The following FN3K variants were observed in gnomAD, a reference collection of about 807,000 sequenced individuals.
The protein encoded by FN3K is fructosamine 3 kinase.
Under a neutral mutation model 24.8 loss-of-function variants are expected in FN3K, and 24 were observed. That is an observed-to-expected ratio of 0.97 (90% CI 0.70 to 1.36). The LOEUF (loss-of-function observed/expected upper bound fraction) is 1.36, where lower values mean the gene tolerates loss of function less well. Ranked by LOEUF, FN3K falls within the 40% of genes most tolerant of loss-of-function variation. The pLI is 0.00. For synonymous variants in FN3K, 192 were observed against 175.2 expected (o/e 1.10, Z -0.76); for missense variants, 449 against 416.7 (o/e 1.08, Z -0.67).
chr17:82,741,780 A>G (rs1185572125), intron 4 of FN3K, among the ~76,000 whole-genome samples: 1 of 152,258 alleles, frequency 6.6e-6, no homozygotes, highest in African/African-American at 2.4e-5. Flanking sequence ...TTATTTAGAT[A>G]CAATTGAAAT....
At chr17:82,737,712 A>T (rs2143638366) in intron 1 of FN3K, 1 of 152,330 alleles carries the variant, frequency 6.6e-6, no homozygotes, top group South Asian at 2.1e-4. Context: ...AGGCCGAAGC[A>T]GGAGAATCGT....
intron 2 of FN3K, among the ~76,000 whole-genome samples, chr17:82,739,039 C>G (rs2046925168): frequency 6.6e-6 from 1 of 150,590 alleles, no homozygotes; most frequent in African/African-American, 2.5e-5. Context: ...CTTCTGCCCC[C>G]AGGGTTCAAA....
At chr17:82,740,618 G>A (rs1029961728) in intron 2 of FN3K, 145 bp from the exon 3 acceptor site, 1 of 625,364 alleles carries the variant, frequency 1.6e-6, no homozygotes, top group African/African-American at 1.8e-5. Flanking sequence ...GCAAAAGAAA[G>A]AGTCATTGCC....
chr17:82,745,129 A>G (rs983985244), intron 4 of FN3K: 11 of 156,970 alleles, frequency 7.0e-5, no homozygotes, highest in Admixed American at 2.0e-4. Flanking sequence ...ACGAGGCCAT[A>G]TTTCAGACTG....
chr17:82,741,422 A>G, intron 4 of FN3K, 29 bp downstream of exon 4: 1 of 1,585,962 alleles, frequency 6.3e-7, no homozygotes, highest in South Asian at 1.1e-5. Flanking sequence ...GTGTTCCCTG[A>G]TGCCCTAATG....
chr17:82,746,982 G>A lies in FN3K; in HGVS notation c.469-1873G>A, dbSNP rs185657867. 2.9e-3 allele frequency among the ~76,000 whole-genome samples: 444 copies of A among 151,870 alleles called. 2 individuals are homozygous for A. Among genetic ancestry groups the A allele is most frequent in the Admixed American group, 7.4e-3 (113 of 15,254 alleles). On this transcript the variant is annotated intron_variant, in intron 4 of 5. Transcript: ENST00000300784. ...TGGGACTACAGGCACCTGCCACCAC[G>A]CCTGGCTAATTTTTGTATTTTTAGT...
At chr17:82,739,352 A>G (rs1000435410) in intron 2 of FN3K, among the ~76,000 whole-genome samples, 4 of 151,634 alleles carry the variant, frequency 2.6e-5, no homozygotes, top group Admixed American at 6.6e-5. Flanking sequence ...GCAGTGATGC[A>G]ATCTTGGCTC....
chr17:82,749,637 C>T (rs2046989225), intron 5 of FN3K: 1 of 161,824 alleles, frequency 6.2e-6, no homozygotes, highest in Non-Finnish European at 1.4e-5. Context: ...GCACTCCAGC[C>T]TGGACGACAG....
intron 4 of FN3K, among the ~76,000 whole-genome samples, chr17:82,744,728 GA>G (rs931076410): frequency 6.6e-6 from 1 of 152,218 alleles, no homozygotes; most frequent in African/African-American, 2.4e-5. Context: ...GTGTTTCTCC[GA>G]GAGGGGGATG....
Position 82,750,411 on chromosome 17 carries a change from T to C in FN3K, c.592-6T>C. 6.2e-7 allele frequency: 1 copy of C among 1,613,838 alleles called. No homozygotes were observed. Among genetic ancestry groups the C allele is most frequent in the Non-Finnish European group, 8.5e-7 (1 of 1,179,728 alleles). Reference sequence around the variant, plus strand: ...CCAGCGATAACTGCAGCCGTTGCTCTCGTAGGTGAAGATCCCGGATCTGTT... The same window carrying C: ...CCAGCGATAACTGCAGCCGTTGCTCCCGTAGGTGAAGATCCCGGATCTGTT... On this transcript the variant is annotated splice_polypyrimidine_tract_variant and splice_region_variant and intron_variant, in intron 5 of 5. Transcript: ENST00000300784.
In FN3K at chr17:82,748,986, G is replaced by C. The variant is rs757500126; in HGVS notation, c.591+9G>C. 6.2e-7 allele frequency: 1 copy of C among 1,614,092 alleles called. No homozygotes were observed. The highest frequency in any genetic ancestry group is 8.5e-7 in the Non-Finnish European group (1 of 1,180,006). On this transcript the variant is annotated intron_variant, in intron 5 of 5. Coordinates refer to ENST00000300784, the MANE Select transcript of FN3K (RefSeq NM_022158.4). ...TCTGGTCCCGGCTACAGGTGGGCAC[G>C]GCAGTGACTTCTCTGGGAAAGAGCT...
intron 4 of FN3K, among the ~76,000 whole-genome samples, chr17:82,743,418 CCCTGCTT>C (rs1326821318): frequency 6.6e-6 from 1 of 152,212 alleles, no homozygotes; most frequent in Non-Finnish European, 1.5e-5. Context: ...AGGACACCTG[CCCTGCTT>C]CCTGCTTGTT....
At chr17:82,741,214 AGCAT>A in intron 3 of FN3K, 93 bp from the exon 4 acceptor site, 1 of 1,057,976 alleles carries the variant, frequency 9.5e-7, no homozygotes, top group South Asian at 1.4e-5. Flanking sequence ...CCTATATTCT[AGCAT>A]GCGTAGCCCA....
intron 5 of FN3K, chr17:82,749,684 T>G: frequency 6.4e-6 from 1 of 157,304 alleles, no homozygotes; most frequent in Non-Finnish European, 1.4e-5. Context: ...AAAATCAAAA[T>G]ATAACTCTCA....
intron 4 of FN3K, among the ~76,000 whole-genome samples, chr17:82,741,929 C>T (rs543268550): frequency 2.8e-4 from 43 of 152,000 alleles, no homozygotes; most frequent in African/African-American, 6.5e-4. Context: ...TTTTTTGAGA[C>T]GGCATTTTGC....
At chr17:82,749,312 C>G (rs11871729) in intron 5 of FN3K, 1 of 390,230 alleles carries the variant, frequency 2.6e-6, no homozygotes, top group East Asian at 6.1e-5. Context: ...TCCACTCCAT[C>G]GTGTTCCTCT....
intron 4 of FN3K, among the ~76,000 whole-genome samples, chr17:82,746,206 G>C (rs1489810622): frequency 6.6e-6 from 1 of 151,812 alleles, no homozygotes; most frequent in Non-Finnish European, 1.5e-5. Context: ...GTCAACACTT[G>C]AGATTTTTTG....
At chr17:82,750,112 A>G (rs753886269) in intron 5 of FN3K, among the ~76,000 whole-genome samples, 73 of 148,796 alleles carry the variant, frequency 4.9e-4, no homozygotes, top group Non-Finnish European at 1.5e-4. Context: ...GTGTAGCGAA[A>G]TAAAAGTGGC....
In FN3K at chr17:82,740,746, A is replaced by T; in HGVS notation, c.294-17A>T. 6.3e-7 allele frequency: 1 copy of T among 1,584,780 alleles called. No homozygotes were observed. The highest frequency in any genetic ancestry group is 8.7e-7 in the Non-Finnish European group (1 of 1,154,118). On this transcript the variant is annotated splice_polypyrimidine_tract_variant and intron_variant, in intron 2 of 5. Transcript: ENST00000300784. ...ATTATTTGTTATTTTAATTAGCTGC[A>T]TTTCTTCTTTCCTCAGTCAAGCATC...
Sources: allele counts gnomAD v4.1 joint callset (sites outside exome capture counted in the v4.1 genomes callset), GRCh38; gene constraint gnomAD v4.1.1; transcripts MANE v1.5; gene names NCBI Gene and HGNC (gene_info 2026-07-23, HGNC 2026-07-21).